TAF6: variants seen among roughly 807,000 people sequenced by gnomAD.
TAF6 encodes TATA-box binding protein associated factor 6, also known as transcription initiation factor TFIID subunit 6.
TAF6 carries 50 observed loss-of-function variants against 73.5 expected under a neutral mutation model. The observed-to-expected ratio is 0.68, with a 90% CI of 0.54 to 0.86. The LOEUF is 0.86. Ranked by LOEUF, TAF6 falls within the 40% of genes least tolerant of loss-of-function variation. TAF6 has a pLI of 0.00. For synonymous variants in TAF6, 424 were observed against 376.7 expected (o/e 1.13, Z -1.45); for missense variants, 768 against 899.5 (o/e 0.85, Z 1.87).
At chr7:100,119,829 G>A (rs779535998), upstream of TAF6, 8 of 1,613,658 alleles carry the variant, frequency 5.0e-6, no homozygotes, top group Middle Eastern at 1.7e-4. Context: ...GGAGGAGGAC[G>A]ATGACACAGA....
rs1796599432 is a variant in TAF6, at chr7:100,107,202, A to ACGTG, written c.*43_*44insCACG. On this transcript the variant is annotated 3_prime_UTR_variant, in exon 15 of 15. Coordinates refer to ENST00000453269, the MANE Select transcript of TAF6 (RefSeq NM_139315.3). ...TGCATGTGTGTACGTGCACGTGTGT[A>ACGTG]CATGTCTGCATGTGTGGGAATCCGG... 5 of 1,519,780 alleles carry ACGTG rather than the reference A, an allele frequency of 3.3e-6. No homozygotes were observed. The highest frequency in any genetic ancestry group is 4.4e-6 in the Non-Finnish European group (5 of 1,136,946). 94.1% of individuals were successfully genotyped at this position (1,519,780 alleles called of 1,614,324 possible).
chr7:100,108,370 C>A lies in TAF6; in HGVS notation c.1455G>T (p.Thr485=). ...QQVNRTTLTI[T]QPRPTLTLSQ... ...TCCTCCCCACCCGGCCACGGACCTG[C>A]GTGATGGTCAGAGTGGTCCTGTTGA... Residue 485 remains threonine, a synonymous_variant, in exon 13 of 15, where the codon ACG becomes ACT. Coordinates refer to ENST00000453269, the MANE Select transcript of TAF6 (RefSeq NM_139315.3). The A allele has an allele frequency of 6.3e-7, 1 of 1,598,828 alleles. No homozygotes were observed. Among genetic ancestry groups the A allele is most frequent in the East Asian group, 2.2e-5 (1 of 44,474 alleles).
intron 1 of TAF6, 97 bp downstream of exon 1, chr7:100,119,107 G>C (rs1208105502): frequency 1.0e-6 from 1 of 986,226 alleles, no homozygotes; most frequent in Non-Finnish European, 1.2e-6. Context: ...CCCGGGCAGC[G>C]CGAAAGGAGG....
intron 9 of TAF6, 153 bp from the exon 10 acceptor site, chr7:100,111,474 TC>T: frequency 9.4e-7 from 1 of 1,067,324 alleles, no homozygotes; most frequent in Non-Finnish European, 1.3e-6. Flanking sequence ...CATCTCAGCC[TC>T]CCAGGTAGCT....
chr7:100,121,961 A>G (rs1798086162), upstream of TAF6: 1 of 286,418 alleles, frequency 3.5e-6, no homozygotes, highest in Admixed American at 5.0e-5. Context: ...GAGGCAGGAG[A>G]ATGGCGTGAA....
Position 100,114,120 on chromosome 7 carries a change from C to G in TAF6, c.90G>C (p.Gln30His), listed in dbSNP as rs1418844141. Reference protein sequence around the residue: ...KVVAESMGIAQIQEETCQLLT... With the variant: ...KVVAESMGIAHIQEETCQLLT... ...GCAGCTGGCAGGTCTCCTCCTGAATCTGGGCGATGCCCATGGATTCAGCCA... is the reference window on the plus strand; with the variant it reads ...GCAGCTGGCAGGTCTCCTCCTGAATGTGGGCGATGCCCATGGATTCAGCCA... The change falls in exon 2 of 15, where the codon CAG becomes CAC. Residue 30 changes from glutamine to histidine, a missense_variant. Around this residue, in one of 5 missense-constraint regions of TAF6, gnomAD observed 269 missense variants for 268.0 expected, o/e 1.00. Coordinates refer to ENST00000453269, the MANE Select transcript of TAF6 (RefSeq NM_139315.3). The G allele has an allele frequency of 1.9e-6, 3 of 1,614,120 alleles. No homozygotes were observed. Among genetic ancestry groups the G allele is most frequent in the African/African-American group, 1.3e-5 (1 of 74,938 alleles).
At chr7:100,119,751 C>T (rs148020738), upstream of TAF6, 84 of 1,614,184 alleles carry the variant, frequency 5.2e-5, no homozygotes, top group African/African-American at 1.1e-3. Flanking sequence ...TGTCATGGGA[C>T]CTGTGCGGTT....
Position 100,110,239 on chromosome 7 carries a change from A to G in TAF6, c.1119T>C (p.Arg373=). The G allele has an allele frequency of 6.2e-7, 1 of 1,614,150 alleles. No individual in the cohort carries two copies. The highest frequency in any genetic ancestry group is 8.5e-7 in the Non-Finnish European group (1 of 1,180,016). ...WVDEKTPWTT[R]YGSIAGLAEL... Reference sequence around the variant, plus strand: ...CAGCCAAGCCTGCGATGGAGCCATAACGAGTCGTCCAGGGCGTCTTCTCGT... The same window carrying G: ...CAGCCAAGCCTGCGATGGAGCCATAGCGAGTCGTCCAGGGCGTCTTCTCGT... Residue 373 remains arginine, a synonymous_variant, in exon 11 of 15, where the codon CGT becomes CGC. Coordinates refer to ENST00000453269, the MANE Select transcript of TAF6 (RefSeq NM_139315.3).
At chr7:100,107,700 C>T (rs1446823513) in intron 14 of TAF6, 77 bp from the exon 15 acceptor site, 22 of 1,550,960 alleles carry the variant, frequency 1.4e-5, no homozygotes, top group Admixed American at 4.3e-5. Context: ...ACGCTTCACT[C>T]GCTCCCTGCC....
rs1455280517 is a variant in TAF6 at position 100,113,638 on chromosome 7, C to T, written c.375G>A (p.Val125=). Residue 125 remains valine (V), a synonymous_variant, in exon 4 of 15, where the codon GTG becomes GTA. Transcript: ENST00000453269. ...AACCTTTGAGGCAGACGTCCAGGGG[C>T]ACCCGGGGCAGAGGGGTATTGATGA... is the stretch of plus-strand genomic sequence containing the variant. ...SDIINTPLPR[V]PLDVCLKAHW... is the part of the protein sequence containing the mutation. 17 of 1,614,108 alleles carry T rather than the reference C, an allele frequency of 1.1e-5. No individual in the cohort carries two copies. Among genetic ancestry groups the T allele is most frequent in the East Asian group, 2.2e-5 (1 of 44,870 alleles).
intron 7 of TAF6, 48 bp downstream of exon 7, chr7:100,112,060 C>G: frequency 1.9e-6 from 3 of 1,613,728 alleles, no homozygotes; most frequent in Non-Finnish European, 2.5e-6. Flanking sequence ...TCATAGGGCC[C>G]CCAGGAGGAG....
chr7:100,108,264 G>T, intron 13 of TAF6, 103 bp downstream of exon 13: 1 of 1,472,414 alleles, frequency 6.8e-7, no homozygotes, highest in Admixed American at 2.3e-5. Context: ...TGGTTGCCCT[G>T]AGACTACTGA....
upstream of TAF6, chr7:100,121,127 T>A (rs1798049882): frequency 5.7e-3 from 414 of 72,686 alleles, no homozygotes; most frequent in Middle Eastern, 0.016. Context: ...TTTTTTTTTT[T>A]TTTTTTTTTT....
upstream of TAF6, chr7:100,119,738 C>T: frequency 6.2e-7 from 1 of 1,614,184 alleles, no homozygotes; most frequent in Non-Finnish European, 8.5e-7. Context: ...GTAGACGGCG[C>T]TTTGTCATGG....
At position 100,107,104 on chromosome 7, in the gene TAF6, A is replaced by G. The variant is rs1796578606; in HGVS notation, c.*142T>C. 7.6e-6 allele frequency: 10 copies of G among 1,323,122 alleles called. No homozygotes were observed. Among genetic ancestry groups the G allele is most frequent in the Middle Eastern group, 5.3e-4 (2 of 3,754 alleles). 82.0% of individuals were successfully genotyped at this position (1,323,122 alleles called of 1,614,324 possible). A position where few individuals can be genotyped will look rare whatever the true frequency, so the allele number is the denominator to read the frequency against. ...ACAAACCAAACTTTTATTCTGAGAA[A>G]CTGGCTGTACAATATCTAAAAAGAA... is the stretch of plus-strand genomic sequence containing the variant. On this transcript the variant is annotated 3_prime_UTR_variant, in exon 15 of 15. Coordinates refer to ENST00000453269, the MANE Select transcript of TAF6 (RefSeq NM_139315.3).
chr7:100,119,890 C>A (rs766831275), upstream of TAF6: 1 of 1,565,764 alleles, frequency 6.4e-7, no homozygotes. Context: ...CCCCTATAGG[C>A]ATCGCCCGGC....
At chr7:100,121,652 C>G (rs942303718), upstream of TAF6, among the ~76,000 whole-genome samples, 2 of 151,358 alleles carry the variant, frequency 1.3e-5, no homozygotes, top group African/African-American at 4.9e-5. Context: ...ACCATGTGGG[C>G]CAGGCTGGTC....
intron 1 of TAF6, chr7:100,115,749 G>C (rs530834708): frequency 6.6e-6 from 1 of 151,980 alleles, no homozygotes; most frequent in South Asian, 2.1e-4. Flanking sequence ...GAGGCGGACG[G>C]ATCACCAGGT....
In TAF6 at chr7:100,108,070, A is replaced by C. The variant is rs754052943; in HGVS notation, c.1512T>G (p.Pro504=). Residue 504 remains proline (P), a synonymous_variant, in exon 14 of 15, where the codon CCT becomes CCG. Coordinates refer to ENST00000453269, the MANE Select transcript of TAF6 (RefSeq NM_139315.3). ...TGGAGCCAGGAACCTTCAGCAAGCCAGGGGTGCGAGGGCCAGGCTGTGGGG... is the reference window on the plus strand; with the variant it reads ...TGGAGCCAGGAACCTTCAGCAAGCCCGGGGTGCGAGGGCCAGGCTGTGGGG... ...SQAPQPGPRT[P]GLLKVPGSIA... is the part of the protein sequence containing the mutation. The C allele has an allele frequency of 1.1e-5, 18 of 1,611,912 alleles. No homozygotes were observed. Among genetic ancestry groups the C allele is most frequent in the Non-Finnish European group, 1.5e-5 (18 of 1,179,568 alleles).
Sources: allele counts gnomAD v4.1 joint callset (sites outside exome capture counted in the v4.1 genomes callset), GRCh38; gene constraint gnomAD v4.1.1; regional missense constraint gnomAD v4.1.1; transcripts MANE v1.5; gene names NCBI Gene and HGNC (gene_info 2026-07-23, HGNC 2026-07-21).